MAP4K3: variants seen among roughly 807,000 people sequenced by gnomAD.
MAP4K3 encodes the protein mitogen-activated protein kinase kinase kinase kinase 3.
MAP4K3 carries 94 observed loss-of-function variants against 143.5 expected under a neutral mutation model. That is an observed-to-expected ratio of 0.65 (90% CI 0.55 to 0.78). The LOEUF (loss-of-function observed/expected upper bound fraction) is 0.78. MAP4K3 is among the 30% of genes least tolerant of loss of function. The pLI is 0.00. For missense variants in MAP4K3, 1,077 were observed against 1,068.1 expected, an observed-to-expected ratio of 1.01 and a Z score of -0.12; for synonymous variants, 416 against 347.2, an observed-to-expected ratio of 1.20 and a Z score of -2.20.
chr2:39,331,771 A>G lies in MAP4K3; in HGVS notation c.530+146T>C, dbSNP rs375835682. The G allele has an allele frequency of 5.6e-5, 26 of 467,036 alleles. 1 individual carries two copies. Among genetic ancestry groups the G allele is most frequent in the Admixed American group, 4.1e-4 (12 of 29,250 alleles). The allele number at this position is 467,036 out of a possible 1,614,324, so 28.9% of individuals were successfully genotyped here. On this transcript the variant is annotated intron_variant, in intron 8 of 33. Coordinates refer to ENST00000263881, the MANE Select transcript of MAP4K3 (RefSeq NM_003618.4). ...TATTTTCTGGCCATGTAATCCACCCATAAGTGTACATGCCTGAATTACTTT... is the reference window on the plus strand; with the variant it reads ...TATTTTCTGGCCATGTAATCCACCCGTAAGTGTACATGCCTGAATTACTTT...
intron 6 of MAP4K3, among the ~76,000 whole-genome samples, chr2:39,334,054 T>C (rs1205271830): frequency 6.6e-6 from 1 of 151,756 alleles, no homozygotes; most frequent in African/African-American, 2.4e-5. Context: ...CCAGGGTTGG[T>C]ATGTGAGACT....
chr2:39,382,092 G>A (rs1666369066), intron 1 of MAP4K3, among the ~76,000 whole-genome samples: 1 of 152,210 alleles, frequency 6.6e-6, no homozygotes, highest in Non-Finnish European at 1.5e-5. Flanking sequence ...GTTTGATTCA[G>A]TGAGCCTTTC....
chr2:39,422,965 G>A (rs1664924366), intron 1 of MAP4K3, among the ~76,000 whole-genome samples: 1 of 151,946 alleles, frequency 6.6e-6, no homozygotes, highest in Non-Finnish European at 1.5e-5. Context: ...CTCTGCAAAA[G>A]ACATTGTTAA....
intron 26 of MAP4K3, 87 bp from the exon 27 acceptor site, chr2:39,267,334 A>T (rs1006969136): frequency 4.2e-5 from 41 of 984,982 alleles, no homozygotes; most frequent in Admixed American, 1.8e-4. Context: ...TGCACAAAGG[A>T]TGAGTTCAAA....
chr2:39,296,314 G>C (rs1163985946), intron 16 of MAP4K3, among the ~76,000 whole-genome samples: 1 of 152,148 alleles, frequency 6.6e-6, no homozygotes, highest in Non-Finnish European at 1.5e-5. Flanking sequence ...AGTAAATATT[G>C]CATCTTGAGA....
chr2:39,263,966 T>C (rs1680671729), intron 28 of MAP4K3, among the ~76,000 whole-genome samples: 2 of 152,240 alleles, frequency 1.3e-5, no homozygotes, highest in Non-Finnish European at 2.9e-5. Flanking sequence ...ATAAAATTCA[T>C]TCATACCAGG....
At chr2:39,372,693 C>T (rs1666116075) in intron 2 of MAP4K3, among the ~76,000 whole-genome samples, 1 of 152,098 alleles carries the variant, frequency 6.6e-6, no homozygotes, top group Admixed American at 6.6e-5. Context: ...GGGGAAAGGA[C>T]AGTCTCTTCA....
At chr2:39,280,868 A>T (rs1681489254) in intron 22 of MAP4K3, among the ~76,000 whole-genome samples, 1 of 152,078 alleles carries the variant, frequency 6.6e-6, no homozygotes. Flanking sequence ...TTTTATTTTT[A>T]TTTTTTTCAA....
intron 23 of MAP4K3, 86 bp from the exon 24 acceptor site, chr2:39,278,572 G>A (rs368468508): frequency 9.9e-6 from 7 of 709,516 alleles, no homozygotes; most frequent in Admixed American, 2.7e-5. Context: ...CCGTAAATAA[G>A]TATTAACATA....
At chr2:39,265,003 C>A (rs3755178) in intron 28 of MAP4K3, among the ~76,000 whole-genome samples, 200 bp downstream of exon 28, 134,096 of 152,234 alleles carry the variant, frequency 0.88, 59,259 homozygotes, top group Non-Finnish European at 0.91. Flanking sequence ...CATACCCTTG[C>A]ATTATTTCTC....
chr2:39,332,225 A>G (rs554487109), intron 7 of MAP4K3, among the ~76,000 whole-genome samples: 6 of 152,194 alleles, frequency 3.9e-5, no homozygotes, highest in Non-Finnish European at 8.8e-5. Context: ...CATAAATCAA[A>G]TAACAAAGGT....
chr2:39,414,236 A>G (rs1667307556), intron 1 of MAP4K3, among the ~76,000 whole-genome samples: 2 of 152,218 alleles, frequency 1.3e-5, no homozygotes, highest in African/African-American at 4.8e-5. Flanking sequence ...TCTTCTCTGA[A>G]GATCACTGCA....
chr2:39,288,050 A>G, intron 20 of MAP4K3, 71 bp downstream of exon 20: 2 of 1,562,750 alleles, frequency 1.3e-6, no homozygotes, highest in Non-Finnish European at 1.7e-6. Context: ...ATAATCTCTT[A>G]AAAGAAAGTT....
At chr2:39,292,011 C>G (rs1166766917) in intron 18 of MAP4K3, among the ~76,000 whole-genome samples, 3 of 151,634 alleles carry the variant, frequency 2.0e-5, no homozygotes, top group Non-Finnish European at 4.4e-5. Flanking sequence ...GTGCTCTTAT[C>G]ATTTTACCAT....
chr2:39,417,555 A>G (rs969208294), intron 1 of MAP4K3, among the ~76,000 whole-genome samples: 4 of 152,210 alleles, frequency 2.6e-5, no homozygotes, highest in Non-Finnish European at 5.9e-5. Context: ...AGGAAACTAC[A>G]GATAAACAAT....
chr2:39,336,672 G>C (rs1332164965), intron 6 of MAP4K3, among the ~76,000 whole-genome samples: 3 of 151,872 alleles, frequency 2.0e-5, no homozygotes, highest in Non-Finnish European at 4.4e-5. Context: ...TAACTACAAA[G>C]AAGCTAAAAT....
chr2:39,419,922 G>C (rs1390646151), intron 1 of MAP4K3, among the ~76,000 whole-genome samples: 1 of 152,214 alleles, frequency 6.6e-6, no homozygotes, highest in Non-Finnish European at 1.5e-5. Context: ...GATGGGGACA[G>C]GCAAAAGCAA....
intron 1 of MAP4K3, among the ~76,000 whole-genome samples, chr2:39,431,596 C>T (rs552585516): frequency 2.8e-4 from 43 of 152,008 alleles, no homozygotes; most frequent in African/African-American, 9.9e-4. Flanking sequence ...AGACTTTAAA[C>T]GAAGAAGCAA....
chr2:39,280,595 T>A (rs78599187), intron 22 of MAP4K3, among the ~76,000 whole-genome samples: 8 of 151,534 alleles, frequency 5.3e-5, no homozygotes, highest in Admixed American at 1.3e-4. Context: ...AAAAAAAAGG[T>A]CTTATTTTTT....
Sources: allele counts gnomAD v4.1 joint callset (sites outside exome capture counted in the v4.1 genomes callset), GRCh38; gene constraint gnomAD v4.1.1; transcripts MANE v1.5; gene names NCBI Gene and HGNC (gene_info 2026-07-23, HGNC 2026-07-21).